UTRN: variants seen among roughly 807,000 people sequenced by gnomAD.
The protein encoded by UTRN is dystrophin-related protein 1.
A neutral mutation model predicts 463.9 loss-of-function variants in UTRN; 283 were observed. The observed-to-expected ratio is 0.61, with a 90% CI of 0.55 to 0.67. The LOEUF is 0.67. Among genes scored for constraint, UTRN ranks in the 30% least tolerant of loss-of-function variants. The probability of loss-of-function intolerance (pLI) is 0.00; values close to 1 mark genes in which losing one functional copy is unlikely to be tolerated. For synonymous variants in UTRN, 1,442 were observed against 1,431.5 expected (o/e 1.01, Z -0.17); for missense variants, 3,922 against 4,084.3 (o/e 0.96, Z 1.08).
chr6:144,556,749 G>A (rs1216001690), intron 49 of UTRN, among the ~76,000 whole-genome samples: 1 of 152,166 alleles, frequency 6.6e-6, no homozygotes, highest in East Asian at 1.9e-4. Context: ...GCAAGAGATG[G>A]AAGACGTCCA....
intron 61 of UTRN, among the ~76,000 whole-genome samples, chr6:144,788,840 G>T (rs1171160697): frequency 1.3e-5 from 2 of 152,158 alleles, no homozygotes; most frequent in African/African-American, 4.8e-5. Context: ...TGGGATTACA[G>T]GCATGAGCCA....
chr6:144,739,774 C>G (rs936694580), intron 54 of UTRN, among the ~76,000 whole-genome samples: 2 of 152,152 alleles, frequency 1.3e-5, no homozygotes, highest in African/African-American at 4.8e-5. Context: ...CCAGGAAGGG[C>G]TCACCCTTCT....
intron 25 of UTRN, among the ~76,000 whole-genome samples, chr6:144,478,916 A>G (rs1461671668): frequency 2.0e-5 from 3 of 152,184 alleles, no homozygotes; most frequent in Non-Finnish European, 4.4e-5. Context: ...GAATCAGACA[A>G]CTATCTATTT....
intron 65 of UTRN, among the ~76,000 whole-genome samples, chr6:144,803,502 G>C (rs2128747413): frequency 6.6e-6 from 1 of 151,978 alleles, no homozygotes; most frequent in South Asian, 2.1e-4. Flanking sequence ...AGAAAATGGA[G>C]ATATTAAAAA....
intron 42 of UTRN, 90 bp from the exon 43 acceptor site, chr6:144,532,995 T>G: frequency 1.5e-6 from 1 of 654,748 alleles, no homozygotes; most frequent in Non-Finnish European, 2.5e-6. Flanking sequence ...CTTTCACACT[T>G]AAATTGATAC....
chr6:144,296,328 C>T (rs1318892418), intron 2 of UTRN, among the ~76,000 whole-genome samples: 2 of 152,192 alleles, frequency 1.3e-5, no homozygotes, highest in African/African-American at 4.8e-5. Context: ...GTTGCCTGCT[C>T]CTTATGAGAA....
chr6:144,382,631 A>G (rs1326889954), intron 2 of UTRN, among the ~76,000 whole-genome samples: 1 of 152,166 alleles, frequency 6.6e-6, no homozygotes, highest in Admixed American at 6.6e-5. Flanking sequence ...CTCTTTGTAT[A>G]TAGGAGAAAA....
At chr6:144,796,175 T>G (rs970470456) in intron 63 of UTRN, among the ~76,000 whole-genome samples, 4 of 152,194 alleles carry the variant, frequency 2.6e-5, no homozygotes, top group African/African-American at 9.7e-5. Flanking sequence ...AGGGAATTCT[T>G]TACCCATTGC....
intron 63 of UTRN, among the ~76,000 whole-genome samples, chr6:144,796,962 G>T (rs1419391674): frequency 6.6e-6 from 1 of 152,134 alleles, no homozygotes; most frequent in East Asian, 1.9e-4. Context: ...TTGCACATAG[G>T]AAAATTACTT....
chr6:144,603,214 T>C (rs1804454578), intron 51 of UTRN, among the ~76,000 whole-genome samples: 1 of 152,218 alleles, frequency 6.6e-6, no homozygotes, highest in African/African-American at 2.4e-5. Context: ...ACAAATAGCT[T>C]TCTGATTTTG....
At chr6:144,412,286 T>C (rs550969775) in intron 3 of UTRN, among the ~76,000 whole-genome samples, 2 of 152,310 alleles carry the variant, frequency 1.3e-5, no homozygotes, top group African/African-American at 4.8e-5. Context: ...AAACTACTTT[T>C]AATTCCACTA....
At chr6:144,695,309 C>T (rs930181772) in intron 52 of UTRN, among the ~76,000 whole-genome samples, 1 of 151,592 alleles carries the variant, frequency 6.6e-6, no homozygotes, top group East Asian at 1.9e-4. Flanking sequence ...ATATCTTAAA[C>T]GTTATTTTTC....
chr6:144,529,022 T>C (rs1435676086), intron 41 of UTRN, among the ~76,000 whole-genome samples: 1 of 152,162 alleles, frequency 6.6e-6, no homozygotes, highest in East Asian at 1.9e-4. Flanking sequence ...GGAGTTATGT[T>C]CCCAGGGGGA....
intron 12 of UTRN, among the ~76,000 whole-genome samples, chr6:144,439,467 T>C (rs1349723455): frequency 2.0e-5 from 3 of 152,130 alleles, no homozygotes; most frequent in Non-Finnish European, 4.4e-5. Context: ...GAGAACACTA[T>C]TGATAGTATT....
rs375295641 is a variant in UTRN, at chr6:144,536,486, G to T, written c.6234-1096G>T. On this transcript the variant is annotated intron_variant, in intron 43 of 74. Coordinates refer to ENST00000367545, the MANE Select transcript of UTRN (RefSeq NM_007124.3). ...CTTAAAGGAGCATTCTTTCTTGATG[G>T]ATACTTAAAAATTATGATTTTGTAG... 4.0e-4 allele frequency among the ~76,000 whole-genome samples: 61 copies of T among 152,070 alleles called. No homozygotes were observed. The South Asian group carries it at 0.012, about 31-fold the overall frequency.
At chr6:144,487,246 G>T (rs887134973) in intron 28 of UTRN, among the ~76,000 whole-genome samples, 1 of 152,058 alleles carries the variant, frequency 6.6e-6, no homozygotes, top group Non-Finnish European at 1.5e-5. Context: ...GCTCACTGCA[G>T]CCTTGAACTC....
In UTRN at chr6:144,851,197, A is replaced by G. The variant is rs1782460053; in HGVS notation, c.*200A>G. The G allele has an allele frequency of 6.3e-6, 4 of 638,850 alleles. No homozygotes were observed. Among genetic ancestry groups the G allele is most frequent in the East Asian group, 5.5e-5 (2 of 36,064 alleles). The allele number at this position is 638,850 out of a possible 1,614,324, so 39.6% of individuals were successfully genotyped here. A position where few individuals can be genotyped will look rare whatever the true frequency, so the allele number is the denominator to read the frequency against. Reference sequence around the variant, plus strand: ...TATTTTGTTTTTATAATAACCATATATTATTGTTTTCTTCTTCCCTTTCTA... The same window carrying G: ...TATTTTGTTTTTATAATAACCATATGTTATTGTTTTCTTCTTCCCTTTCTA... On this transcript the variant is annotated 3_prime_UTR_variant, in exon 75 of 75. Transcript: ENST00000367545.
intron 58 of UTRN, among the ~76,000 whole-genome samples, chr6:144,762,722 C>G (rs1305003692): frequency 6.6e-6 from 1 of 152,136 alleles, no homozygotes; most frequent in Non-Finnish European, 1.5e-5. Flanking sequence ...TCCCCATTCA[C>G]ATGATCTGAA....
chr6:144,828,976 T>C, intron 69 of UTRN, 121 bp downstream of exon 69: 1 of 1,070,562 alleles, frequency 9.3e-7, no homozygotes, highest in South Asian at 1.4e-5. Context: ...TTAAGTGTGG[T>C]TCCAAAAATT....
Sources: allele counts gnomAD v4.1 joint callset (sites outside exome capture counted in the v4.1 genomes callset), GRCh38; gene constraint gnomAD v4.1.1; transcripts MANE v1.5; gene names NCBI Gene and HGNC (gene_info 2026-07-23, HGNC 2026-07-21).